The following PRELID2 variants were observed in gnomAD, a reference collection of about 807,000 sequenced individuals.
PRELID2 encodes PRELI domain-containing protein 2.
Under a neutral mutation model 28.4 loss-of-function variants are expected in PRELID2, and 25 were observed. That is an observed-to-expected ratio of 0.88 (90% confidence interval 0.64 to 1.23). The LOEUF is 1.23. Among genes scored for constraint, PRELID2 ranks in the 50% most tolerant of loss-of-function variants. The probability of loss-of-function intolerance (pLI) is 0.00; values close to 1 mark genes in which losing one functional copy is unlikely to be tolerated. For synonymous variants in PRELID2, 76 were observed against 71.6 expected (o/e 1.06, Z -0.31); for missense variants, 201 against 214.4 (o/e 0.94, Z 0.39).
intron 2 of PRELID2, among the ~76,000 whole-genome samples, chr5:145,821,152 GGTGTGTGTGT>G (rs70998038): frequency 1.1e-5 from 1 of 88,188 alleles, no homozygotes; most frequent in African/African-American, 4.0e-5. Context: ...AACTCTCCTG[GGTGTGTGTGT>G]GTGTGTGTGT....
At chr5:145,467,872 A>C (rs866558482), downstream of PRELID2, among the ~76,000 whole-genome samples, 1 of 150,740 alleles carries the variant, frequency 6.6e-6, no homozygotes, top group African/African-American at 2.4e-5. Context: ...AGTTTATTTT[A>C]AAGTTAATTT....
the PRELID2 span, among the ~76,000 whole-genome samples, chr5:145,365,309 GATTT>G: frequency 1.2e-4 from 18 of 151,984 alleles, no homozygotes; most frequent in South Asian, 3.5e-3. Context: ...TTAGGTAATA[GATTT>G]ATTATTTAGC....
intron 1 of PRELID2, among the ~76,000 whole-genome samples, chr5:145,652,822 C>G (rs1008552392): frequency 6.6e-6 from 1 of 152,158 alleles, no homozygotes; most frequent in African/African-American, 2.4e-5. Flanking sequence ...ACCATCGATG[C>G]TAGAAAGAAA....
At chr5:145,549,545 T>G (rs1392058075) in intron 1 of PRELID2, among the ~76,000 whole-genome samples, 2 of 152,148 alleles carry the variant, frequency 1.3e-5, no homozygotes, top group Non-Finnish European at 2.9e-5. Context: ...ATCCCAGCAC[T>G]TTGGGATTAC....
rs79908797 is a variant in PRELID2 at position 145,791,608 on chromosome 5, G to C, written c.474+4834C>G. ...AGGAAGTTATTGTTTAATGGCTAAG[G>C]AGTTCCTGTTTGGGAAGAGAAACAA... On this transcript the variant is annotated intron_variant, in intron 5 of 6. Transcript: ENST00000683046. Among the ~76,000 whole-genome samples, 57 of 152,218 alleles carry C rather than the reference G, an allele frequency of 3.7e-4. 1 individual carries two copies. In the East Asian group the frequency reaches 0.01, roughly 28 times the overall value.
the PRELID2 span, among the ~76,000 whole-genome samples, chr5:145,457,649 T>C: frequency 2.0e-5 from 3 of 152,314 alleles, no homozygotes; most frequent in South Asian, 4.1e-4. Flanking sequence ...ACTAGACAAA[T>C]ACTGCCACAG....
At chr5:145,767,356 G>A (rs1460193147) in intron 5 of PRELID2, among the ~76,000 whole-genome samples, 4 of 152,014 alleles carry the variant, frequency 2.6e-5, no homozygotes, top group African/African-American at 9.7e-5. Context: ...CCCGCTGAGA[G>A]CCACTTCCAC....
At chr5:145,572,964 T>C (rs1309468031) in intron 1 of PRELID2, among the ~76,000 whole-genome samples, 1 of 152,104 alleles carries the variant, frequency 6.6e-6, no homozygotes, top group African/African-American at 2.4e-5. Flanking sequence ...CCACCAGCCC[T>C]CTCCTGGATA....
At chr5:145,821,155 GT>G (rs1754770448) in intron 2 of PRELID2, among the ~76,000 whole-genome samples, 6 of 88,872 alleles carry the variant, frequency 6.8e-5, no homozygotes, top group African/African-American at 2.2e-4. Context: ...TCTCCTGGGT[GT>G]GTGTGTGTGT....
intron 4 of PRELID2, among the ~76,000 whole-genome samples, chr5:145,801,409 T>A (rs1455375244): frequency 3.3e-5 from 5 of 152,170 alleles, no homozygotes; most frequent in Non-Finnish European, 7.3e-5. Context: ...TGTTTCATCA[T>A]CCTCAAGACA....
At chr5:145,296,761 C>T in the PRELID2 span, among the ~76,000 whole-genome samples, 209 of 152,064 alleles carry the variant, frequency 1.4e-3, 3 homozygotes, top group East Asian at 0.034. Flanking sequence ...CCTGAGGAAT[C>T]GCCACACTGA....
chr5:145,759,591 A>G lies in PRELID2; in HGVS notation c.*945T>C, dbSNP rs1757376713. The G allele has an allele frequency of 6.6e-6, 1 of 152,244 alleles. No homozygotes were observed. The allele number at this position is 152,244 out of a possible 1,614,324, so 9.4% of individuals were successfully genotyped here. A position where few individuals can be genotyped will look rare whatever the true frequency, so the allele number is the denominator to read the frequency against. On this transcript the variant is annotated 3_prime_UTR_variant, in exon 7 of 7. Coordinates refer to ENST00000683046, the MANE Select transcript of PRELID2 (RefSeq NM_205846.3). ...ACAATCTCACAAAATTAATTCTATC[A>G]TCTTGTTTCACAAATTTTTTTAAAT...
At chr5:145,255,910 A>C in the PRELID2 span, among the ~76,000 whole-genome samples, 11 of 151,738 alleles carry the variant, frequency 7.2e-5, no homozygotes, top group African/African-American at 2.4e-4. Context: ...TACATAAAGA[A>C]AGAGAGAGAG....
chr5:145,367,005 C>A, the PRELID2 span, among the ~76,000 whole-genome samples: 2 of 150,938 alleles, frequency 1.3e-5, no homozygotes, highest in East Asian at 3.9e-4. Flanking sequence ...CATACATAAT[C>A]AGGTTTCTAG....
In PRELID2 at chr5:145,686,762, A is replaced by G. The variant is rs946423804; in HGVS notation, n.70+78169T>C. Among the ~76,000 whole-genome samples the G allele has an allele frequency of 3.3e-5, 5 of 152,196 alleles. No individual in the cohort carries two copies. In the South Asian group the frequency reaches 6.2e-4, roughly 19 times the overall value. On this transcript the variant is annotated intron_variant and non_coding_transcript_variant, in intron 1 of 2. Transcript: ENST00000510259. Reference sequence around the variant, plus strand: ...TAGTGAGCTAACTTGCAGCATGTCAATATAATAAAGTACCCAACATCTGGG... The same window carrying G: ...TAGTGAGCTAACTTGCAGCATGTCAGTATAATAAAGTACCCAACATCTGGG...
the PRELID2 span, among the ~76,000 whole-genome samples, chr5:145,270,373 T>C: frequency 1.3e-5 from 2 of 152,154 alleles, no homozygotes; most frequent in South Asian, 4.1e-4. Flanking sequence ...CCCATATTCA[T>C]ACAATGGAAT....
At chr5:145,555,408 A>G (rs554016005) in intron 1 of PRELID2, among the ~76,000 whole-genome samples, 135 of 152,360 alleles carry the variant, frequency 8.9e-4, no homozygotes, top group Non-Finnish European at 1.5e-3. Flanking sequence ...CTTATTGAGC[A>G]TCTACTAAAT....
rs539369670 is a variant in PRELID2, at chr5:145,518,308, T to G, written n.71-44993A>C. Reference sequence around the variant, plus strand: ...TCTGCCTCCCAGGTTCAAGTGATTCTTCTGCCTCACCCTCCCAAGTAGCTG... The same window carrying G: ...TCTGCCTCCCAGGTTCAAGTGATTCGTCTGCCTCACCCTCCCAAGTAGCTG... On this transcript the variant is annotated intron_variant and non_coding_transcript_variant, in intron 1 of 2. Coordinates refer to the PRELID2 transcript ENST00000510259. Among the ~76,000 whole-genome samples the G allele has an allele frequency of 1.1e-4, 17 of 152,156 alleles. No homozygotes were observed. In the East Asian group the frequency reaches 3.3e-3, roughly 29 times the overall value.
chr5:145,660,656 A>ATAT (rs1394013155), intron 1 of PRELID2, among the ~76,000 whole-genome samples: 5 of 152,176 alleles, frequency 3.3e-5, no homozygotes, highest in African/African-American at 9.7e-5. Flanking sequence ...GTGCATGCAT[A>ATAT]ATTTAGTGTT....
Sources: allele counts gnomAD v4.1 joint callset (sites outside exome capture counted in the v4.1 genomes callset), GRCh38; gene constraint gnomAD v4.1.1; transcripts MANE v1.5; gene names NCBI Gene and HGNC (gene_info 2026-07-23, HGNC 2026-07-21).